Variants in CSN1S1 observed in about 807,000 individuals in gnomAD.
The protein encoded by CSN1S1 is casein alpha s1, also known as alpha-S1-casein.
CSN1S1 carries 63 observed loss-of-function variants against 49.1 expected under a neutral mutation model. That is an observed-to-expected ratio of 1.28 (90% confidence interval 1.05 to 1.58). The LOEUF (loss-of-function observed/expected upper bound fraction) is 1.58. CSN1S1 is among the 40% of genes most tolerant of loss of function. The probability of loss-of-function intolerance (pLI) is 0.00; values close to 1 mark genes in which losing one functional copy is unlikely to be tolerated. For missense variants in CSN1S1, 260 were observed against 224.7 expected, an observed-to-expected ratio of 1.16 and a Z score of -1.01; for synonymous variants, 78 against 67.1, an observed-to-expected ratio of 1.16 and a Z score of -0.79.
intron 8 of CSN1S1, 62 bp downstream of exon 8, chr4:69,937,206 C>A: frequency 8.9e-7 from 1 of 1,125,870 alleles, no homozygotes; most frequent in Non-Finnish European, 1.3e-6. Context: ...TACATATTTC[C>A]CCAAATAAAT....
Position 69,931,527 on chromosome 4 carries a change from T to C in CSN1S1, c.-13+410T>C, listed in dbSNP as rs191005378. ...ATAGTTCAAGGCCATTTTTGTTTCA[T>C]GTCATTTGGGCAACAAAATTAACTC... On this transcript the variant is annotated intron_variant, in intron 1 of 15. Coordinates refer to ENST00000246891, the MANE Select transcript of CSN1S1 (RefSeq NM_001890.2). 1.6e-3 allele frequency among the ~76,000 whole-genome samples: 238 copies of C among 152,066 alleles called. 2 individuals are homozygous for C. Among genetic ancestry groups the C allele is most frequent in the African/African-American group, 5.2e-3 (217 of 41,558 alleles).
chr4:69,932,487 A>G, intron 1 of CSN1S1, 57 bp from the exon 2 acceptor site: 2 of 1,469,484 alleles, frequency 1.4e-6, no homozygotes, highest in Non-Finnish European at 1.9e-6. Context: ...AATTTTTTTC[A>G]GGAAACAAAT....
intron 12 of CSN1S1, 38 bp downstream of exon 12, chr4:69,941,098 A>G (rs1330590277): frequency 8.9e-6 from 9 of 1,011,548 alleles, no homozygotes; most frequent in Non-Finnish European, 1.1e-5. Context: ...ATCATATTCT[A>G]CTATAGAATT....
chr4:69,942,529 T>C lies in CSN1S1; in HGVS notation c.361-7T>C. ...AAGTAATTTAGAATGTGTTTCCTTT[T>C]ATGCAGGAGCAAATTCGCAGAATGA... On this transcript the variant is annotated splice_region_variant and splice_polypyrimidine_tract_variant and intron_variant, in intron 13 of 15. Coordinates refer to ENST00000246891, the MANE Select transcript of CSN1S1 (RefSeq NM_001890.2). 1 of 1,581,712 alleles carries C rather than the reference T, an allele frequency of 6.3e-7. No homozygotes were observed. Among genetic ancestry groups the C allele is most frequent in the South Asian group, 1.2e-5 (1 of 86,624 alleles).
At chr4:69,936,964 C>T (rs1722806787) in intron 7 of CSN1S1, among the ~76,000 whole-genome samples, 157 bp from the exon 8 acceptor site, 1 of 151,902 alleles carries the variant, frequency 6.6e-6, no homozygotes, top group Non-Finnish European at 1.5e-5. Flanking sequence ...CATAGTCATA[C>T]TCAATTATTT....
intron 14 of CSN1S1, among the ~76,000 whole-genome samples, chr4:69,944,437 G>A (rs997983382): frequency 1.3e-5 from 2 of 151,812 alleles, no homozygotes; most frequent in Admixed American, 6.6e-5. Context: ...CCCTGGGTGC[G>A]GGGCCTGTAC....
Position 69,932,529 on chromosome 4 carries a change from T to G in CSN1S1, c.-12-15T>G. On this transcript the variant is annotated splice_polypyrimidine_tract_variant and intron_variant, in intron 1 of 15. Coordinates refer to ENST00000246891, the MANE Select transcript of CSN1S1 (RefSeq NM_001890.2). ...TAATAATATCTAACTCTTTCTTTTT[T>G]GTTCTCTTACATAGGCTCTGATAAC... 1 of 1,585,050 alleles carries G rather than the reference T, an allele frequency of 6.3e-7. No individual in the cohort carries two copies.
In CSN1S1 at chr4:69,944,968, A is replaced by C. The variant is rs752390453; in HGVS notation, c.521A>C (p.Glu174Ala). The stretch of plus-strand genomic sequence containing the variant: ...GACATCTCCAATCCCACTGCTCATG[A>C]AAATTATGAAAAAAATAACGTCATG... ...FSDISNPTAH[E>A]NYEKNNVMLQ... Residue 174 changes from glutamate (E) to alanine (A), a missense_variant, in exon 15 of 16, where the codon GAA becomes GCA. Physicochemically the swap from Glu to Ala is moderately radical, Grantham distance 107. Coordinates refer to ENST00000246891, the MANE Select transcript of CSN1S1 (RefSeq NM_001890.2). 1.1e-5 allele frequency: 17 copies of C among 1,612,664 alleles called. No homozygotes were observed. Among genetic ancestry groups the C allele is most frequent in the Non-Finnish European group, 1.4e-5 (17 of 1,179,192 alleles).
rs370162193 is a variant in CSN1S1 at position 69,932,603 on chromosome 4, G to T, written c.48G>T (p.Arg16Ser). 2 of 1,596,954 alleles carry T rather than the reference G, an allele frequency of 1.3e-6. No homozygotes were observed. The highest frequency in any genetic ancestry group is 1.7e-6 in the Non-Finnish European group (2 of 1,170,036). The change falls in exon 2 of 16, where the codon AGG (arginine) becomes AGT (serine). Residue 16 changes from arginine (R) to serine (S), a missense_variant. Coordinates refer to ENST00000246891, the MANE Select transcript of CSN1S1 (RefSeq NM_001890.2). ...GTCTTGTGGCTGTTGCTCTTGCCAG[G>T]CCTGTAAGTTCAGTAGAGAATTTAG... The part of the protein sequence containing the change: ...LTCLVAVALA[R>S]PKLPLRYPER...
intron 14 of CSN1S1, among the ~76,000 whole-genome samples, chr4:69,942,801 T>C (rs1723018133): frequency 2.0e-5 from 3 of 151,968 alleles, no homozygotes; most frequent in Admixed American, 1.3e-4. Flanking sequence ...ACAATATGTG[T>C]CTATCAATTT....
intron 1 of CSN1S1, 143 bp downstream of exon 1, chr4:69,931,260 C>T (rs986282481): frequency 2.6e-5 from 4 of 151,886 alleles, no homozygotes; most frequent in South Asian, 2.1e-4. Flanking sequence ...CCTTAAAAAT[C>T]CTTTTGCAAA....
In CSN1S1 at chr4:69,934,727, G is replaced by A. The variant is rs367816259; in HGVS notation, c.105+17G>A. 8.1e-6 allele frequency: 13 copies of A among 1,605,782 alleles called. No homozygotes were observed. The highest frequency in any genetic ancestry group is 1.1e-5 in the Non-Finnish European group (13 of 1,173,840). On this transcript the variant is annotated intron_variant, in intron 4 of 15. Coordinates refer to ENST00000246891, the MANE Select transcript of CSN1S1 (RefSeq NM_001890.2). Reference sequence around the variant, plus strand: ...AGCAGTGAGGTAAGCTCTGTTTATGGGGAGTCAGGATTCTCTCTTCCTTTT... The same window carrying A: ...AGCAGTGAGGTAAGCTCTGTTTATGAGGAGTCAGGATTCTCTCTTCCTTTT...
intron 7 of CSN1S1, 66 bp downstream of exon 7, chr4:69,936,673 CCTTTAGG>C: frequency 6.9e-7 from 1 of 1,449,368 alleles, no homozygotes; most frequent in Non-Finnish European, 9.3e-7. Context: ...AAAAAGTTTT[CCTTTAGG>C]AAAAAAAAGC....
intron 9 of CSN1S1, 21 bp downstream of exon 9, chr4:69,937,844 T>C: frequency 1.3e-6 from 2 of 1,574,018 alleles, no homozygotes; most frequent in South Asian, 1.2e-5. Context: ...TTCATTCTAG[T>C]GAACTCTACA....
intron 1 of CSN1S1, among the ~76,000 whole-genome samples, chr4:69,932,027 GAC>G (rs1722623728): frequency 6.6e-6 from 1 of 151,928 alleles, no homozygotes; most frequent in Non-Finnish European, 1.5e-5. Flanking sequence ...ATAACGTGCA[GAC>G]AGGATTTTTC....
intron 8 of CSN1S1, 147 bp from the exon 9 acceptor site, chr4:69,937,653 A>C: frequency 1.7e-6 from 1 of 594,848 alleles, no homozygotes; most frequent in Non-Finnish European, 2.9e-6. Context: ...TCAGAGATAA[A>C]GTAGGCAGTT....
At chr4:69,940,985 C>CT in intron 11 of CSN1S1, 34 bp from the exon 12 acceptor site, 1 of 1,225,884 alleles carries the variant, frequency 8.2e-7, no homozygotes, top group Non-Finnish European at 1.2e-6. Flanking sequence ...TGAATGACAT[C>CT]CAAGCAATTG....
chr4:69,937,370 G>A (rs576264661), intron 8 of CSN1S1, among the ~76,000 whole-genome samples: 38 of 147,306 alleles, frequency 2.6e-4, no homozygotes, highest in African/African-American at 7.5e-4. Flanking sequence ...TGCTGTAGTC[G>A]TGAAAACTGA....
At position 69,931,080 on chromosome 4, in the gene CSN1S1, A is replaced by G. The variant is rs1230585819; in HGVS notation, c.-50A>G. The stretch of plus-strand genomic sequence containing the variant: ...AAAGAGATCGGCCATCATCTTGGTC[A>G]TCAACACAACTTGCTTCTCTCCAGA... On this transcript the variant is annotated 5_prime_UTR_variant, in exon 1 of 16. Coordinates refer to ENST00000246891, the MANE Select transcript of CSN1S1 (RefSeq NM_001890.2). 1 of 152,080 alleles carries G rather than the reference A, an allele frequency of 6.6e-6. No individual in the cohort carries two copies. Among genetic ancestry groups the G allele is most frequent in the Non-Finnish European group, 1.5e-5 (1 of 67,926 alleles). 9.4% of individuals were successfully genotyped at this position (152,080 alleles called of 1,614,324 possible).
Sources: gnomAD v4.1 joint callset for allele counts (sites outside exome capture counted in the v4.1 genomes callset) on GRCh38, gnomAD v4.1.1 for gene constraint, MANE v1.5 for transcripts, NCBI Gene and HGNC (gene_info 2026-07-23, HGNC 2026-07-21) for gene names.